The following RAB1A variants were observed in gnomAD, a reference collection of about 807,000 sequenced individuals.
The protein encoded by RAB1A is ras-related protein Rab-1A.
In RAB1A, 2 loss-of-function variants were observed where a neutral mutation model predicts 26.0. The observed-to-expected ratio is 0.08, with a 90% CI of 0.03 to 0.24. The LOEUF (loss-of-function observed/expected upper bound fraction) is 0.24. Ranked by LOEUF, RAB1A falls within the 10% of genes least tolerant of loss-of-function variation. RAB1A has a pLI of 1.00. For synonymous variants in RAB1A, 84 were observed against 84.9 expected, an observed-to-expected ratio of 0.99 and a Z score of 0.06; for missense variants, 100 against 247.0, an observed-to-expected ratio of 0.40 and a Z score of 3.99.
At chr2:65,090,391 A>G (rs77756906) in intron 4 of RAB1A, among the ~76,000 whole-genome samples, 4,026 of 152,324 alleles carry the variant, frequency 0.026, 184 homozygotes, top group African/African-American at 0.091. Context: ...GATTTAAAAA[A>G]ATAGTAACAA....
chr2:65,103,304 A>AAAAAAAAAAAAAAAAACC (rs757626011), intron 2 of RAB1A, among the ~76,000 whole-genome samples: 1 of 112,502 alleles, frequency 8.9e-6, no homozygotes, highest in Non-Finnish European at 1.8e-5. Context: ...TGTCTCAAAA[A>AAAAAAAAAAAAAAAAACC]AAAAAAAAAA....
chr2:65,117,189 T>C (rs1176019633), intron 1 of RAB1A, among the ~76,000 whole-genome samples: 4 of 151,180 alleles, frequency 2.6e-5, no homozygotes, highest in Non-Finnish European at 5.9e-5. Context: ...CCTCAGCCTC[T>C]TGAGTAGCTG....
At position 65,098,836 on chromosome 2, in the gene RAB1A, C is replaced by CTTTTTTTTTTTTTT. The variant is rs70943624; in HGVS notation, c.97-784_97-771dup. 4.8e-5 allele frequency among the ~76,000 whole-genome samples: 5 copies of CTTTTTTTTTTTTTT among 103,430 alleles called. 1 individual carries two copies. Among genetic ancestry groups the CTTTTTTTTTTTTTT allele is most frequent in the African/African-American group, 3.7e-5 (1 of 26,866 alleles). 67.9% of individuals were successfully genotyped at this position (103,430 alleles called of 152,430 possible). On this transcript the variant is annotated intron_variant, in intron 2 of 5. Coordinates refer to ENST00000409784, the MANE Select transcript of RAB1A (RefSeq NM_004161.5). ...CATGTTGTACCATGTAACAGTACTT[C>CTTTTTTTTTTTTTT]TTTTTTTTTTTTTTTTTGAGGCAGG...
intron 3 of RAB1A, among the ~76,000 whole-genome samples, chr2:65,091,721 C>T (rs1021399186): frequency 6.6e-5 from 10 of 152,048 alleles, no homozygotes; most frequent in African/African-American, 2.4e-4. Context: ...GACAGAGTCT[C>T]GCTACATTGC....
At chr2:65,112,840 T>C (rs1669733800) in intron 1 of RAB1A, among the ~76,000 whole-genome samples, 1 of 152,186 alleles carries the variant, frequency 6.6e-6, no homozygotes. Context: ...TATTGGAGGT[T>C]CCAACAATAA....
intron 1 of RAB1A, among the ~76,000 whole-genome samples, chr2:65,110,509 A>G (rs2103859685): frequency 1.3e-5 from 2 of 152,222 alleles, no homozygotes; most frequent in South Asian, 4.1e-4. Context: ...GTATTAGATT[A>G]TAACTCACAA....
intron 1 of RAB1A, among the ~76,000 whole-genome samples, chr2:65,108,899 G>A (rs13421845): frequency 0.61 from 92,454 of 152,044 alleles, 28,675 homozygotes; most frequent in East Asian, 0.67. Flanking sequence ...TGAGTGCTCT[G>A]TATAAGACAA....
chr2:65,124,868 TAC>T (rs139822207), intron 1 of RAB1A, among the ~76,000 whole-genome samples: 1 of 152,298 alleles, frequency 6.6e-6, no homozygotes, highest in African/African-American at 2.4e-5. Context: ...CCGGAAGAAT[TAC>T]AGATGGTGAT....
intron 1 of RAB1A, among the ~76,000 whole-genome samples, chr2:65,116,653 A>T (rs866249384): frequency 8.5e-5 from 13 of 152,384 alleles, no homozygotes; most frequent in Middle Eastern, 3.4e-3. Context: ...TCAGAGGTTC[A>T]GACAAAAACT....
In RAB1A at chr2:65,087,098, C is replaced by T. The variant is rs1361709331; in HGVS notation, c.*1395G>A. On this transcript the variant is annotated 3_prime_UTR_variant, in exon 6 of 6. Coordinates refer to ENST00000409784, the MANE Select transcript of RAB1A (RefSeq NM_004161.5). The stretch of plus-strand genomic sequence containing the variant: ...CCAGCAGCCATATCCCAAGCCCCTG[C>T]GTGAAGAATGTTTTGGCTGCTATTT... 6.6e-6 allele frequency: 1 copy of T among 152,124 alleles called. No individual in the cohort carries two copies. The highest frequency in any genetic ancestry group is 6.5e-5 in the Admixed American group (1 of 15,274). The allele number at this position is 152,124 out of a possible 1,614,324, so 9.4% of individuals were successfully genotyped here. A position where few individuals can be genotyped will look rare whatever the true frequency, so the allele number is the denominator to read the frequency against.
intron 4 of RAB1A, among the ~76,000 whole-genome samples, chr2:65,090,251 C>T (rs927377571): frequency 6.6e-6 from 1 of 152,138 alleles, no homozygotes; most frequent in African/African-American, 2.4e-5. Flanking sequence ...TGTAAGTTAT[C>T]TCCTAATTAG....
At chr2:65,096,602 G>A (rs545444248) in intron 3 of RAB1A, among the ~76,000 whole-genome samples, 4 of 152,294 alleles carry the variant, frequency 2.6e-5, no homozygotes, top group African/African-American at 4.8e-5. Flanking sequence ...AAAAGGTTGA[G>A]ACTGTACTTA....
At chr2:65,125,050 CAAAAAA>C (rs66712908) in intron 1 of RAB1A, among the ~76,000 whole-genome samples, 2 of 130,222 alleles carry the variant, frequency 1.5e-5, no homozygotes, top group African/African-American at 5.7e-5. Context: ...ACAATGCAAG[CAAAAAA>C]AAAAAAAAAG....
intron 1 of RAB1A, among the ~76,000 whole-genome samples, chr2:65,128,191 A>G (rs1411137055): frequency 3.9e-5 from 6 of 151,948 alleles, no homozygotes; most frequent in Admixed American, 6.6e-5. Flanking sequence ...TGACAGGAAT[A>G]ATGACTCCAA....
At chr2:65,099,209 G>GTGGT (rs1669360731) in intron 2 of RAB1A, among the ~76,000 whole-genome samples, 2 of 151,980 alleles carry the variant, frequency 1.3e-5, no homozygotes, top group Non-Finnish European at 2.9e-5. Context: ...ATTGATTTGG[G>GTGGT]TTGTTTCCAC....
intron 1 of RAB1A, among the ~76,000 whole-genome samples, chr2:65,110,347 A>G (rs1363210370): frequency 6.6e-6 from 1 of 151,174 alleles, no homozygotes; most frequent in Non-Finnish European, 1.5e-5. Context: ...AGGCTGAGGC[A>G]GGAGAATCGC....
chr2:65,123,758 G>T (rs940561043), intron 1 of RAB1A, among the ~76,000 whole-genome samples: 3 of 151,796 alleles, frequency 2.0e-5, no homozygotes, highest in Non-Finnish European at 4.4e-5. Flanking sequence ...CCTGGAAGGC[G>T]GAGGTTGCAG....
chr2:65,104,202 T>C (rs919151699), intron 2 of RAB1A, among the ~76,000 whole-genome samples: 1 of 152,202 alleles, frequency 6.6e-6, no homozygotes, highest in African/African-American at 2.4e-5. Flanking sequence ...CCAACGAAGT[T>C]TGTCCAAGAC....
chr2:65,101,742 C>CTTTTTTTTTTTTTT (rs71401771), intron 2 of RAB1A, among the ~76,000 whole-genome samples: 18 of 70,684 alleles, frequency 2.5e-4, no homozygotes, highest in African/African-American at 4.7e-4. Context: ...GTATTACTTC[C>CTTTTTTTTTTTTTT]TTTTTTTTTT....
Sources: allele counts gnomAD v4.1 joint callset (sites outside exome capture counted in the v4.1 genomes callset), GRCh38; gene constraint gnomAD v4.1.1; transcripts MANE v1.5; gene names NCBI Gene and HGNC (gene_info 2026-07-23, HGNC 2026-07-21).